The following ZFAND3 variants were observed in gnomAD, a reference collection of about 807,000 sequenced individuals.
ZFAND3 encodes the protein zinc finger AN1-type containing 3.
Under a neutral mutation model 29.6 loss-of-function variants are expected in ZFAND3, and 10 were observed. That is an observed-to-expected ratio of 0.34 (90% CI 0.21 to 0.57). The LOEUF is 0.57. Ranked by LOEUF, ZFAND3 falls within the 20% of genes least tolerant of loss-of-function variation. ZFAND3 has a pLI of 0.86. For missense variants in ZFAND3, 230 were observed against 304.5 expected (o/e 0.76, Z 1.82); for synonymous variants, 128 against 112.6 (o/e 1.14, Z -0.87).
intron 1 of ZFAND3, among the ~76,000 whole-genome samples, chr6:37,915,921 C>T (rs959437151): frequency 5.3e-5 from 8 of 152,050 alleles, no homozygotes; most frequent in South Asian, 2.1e-4. Flanking sequence ...AGGCATGTGC[C>T]ACCACGCCCA....
At position 38,007,400 on chromosome 6, in the gene ZFAND3, G is replaced by T. The variant is rs191102170; in HGVS notation, c.113-54193G>T. Among the ~76,000 whole-genome samples, 16 of 152,150 alleles carry T rather than the reference G, an allele frequency of 1.1e-4. No individual in the cohort carries two copies. The East Asian group carries it at 3.1e-3, about 29-fold the overall frequency. On this transcript the variant is annotated intron_variant, in intron 2 of 5. Coordinates refer to ENST00000287218, the MANE Select transcript of ZFAND3 (RefSeq NM_021943.3). ...ATCTCTACAAAAAATACAAAAATTT[G>T]TCCGGCATGATGGTATATTCCTGTA...
chr6:37,829,053 A>G (rs1055724668), intron 1 of ZFAND3, among the ~76,000 whole-genome samples: 2 of 152,090 alleles, frequency 1.3e-5, no homozygotes, highest in Admixed American at 6.6e-5. Flanking sequence ...GTACATACAA[A>G]ATTTTTACAT....
At chr6:38,019,688 A>G (rs1453212621) in intron 2 of ZFAND3, among the ~76,000 whole-genome samples, 1 of 152,104 alleles carries the variant, frequency 6.6e-6, no homozygotes, top group African/African-American at 2.4e-5. Flanking sequence ...GTTTTTGATG[A>G]AAGACATCTT....
intron 1 of ZFAND3, among the ~76,000 whole-genome samples, chr6:37,898,573 G>A (rs574924409): frequency 2.4e-4 from 37 of 152,156 alleles, no homozygotes; most frequent in African/African-American, 8.7e-4. Context: ...AAATTCTATT[G>A]AATCTAAGCA....
At chr6:37,879,745 T>C (rs1764857045) in intron 1 of ZFAND3, among the ~76,000 whole-genome samples, 1 of 152,208 alleles carries the variant, frequency 6.6e-6, no homozygotes, top group Admixed American at 6.5e-5. Context: ...TATAGAACTT[T>C]CAGAATGTGA....
At chr6:37,975,050 T>C (rs1259326646) in intron 2 of ZFAND3, among the ~76,000 whole-genome samples, 1 of 152,238 alleles carries the variant, frequency 6.6e-6, no homozygotes, top group African/African-American at 2.4e-5. Context: ...TTTTAACTTT[T>C]TAAGAAACTG....
chr6:37,888,232 GT>G (rs944770646), intron 1 of ZFAND3, among the ~76,000 whole-genome samples: 3 of 152,090 alleles, frequency 2.0e-5, no homozygotes, highest in African/African-American at 7.2e-5. Context: ...TAATGTATGA[GT>G]AAAAAGTTTC....
chr6:37,945,784 G>C (rs760955111), intron 2 of ZFAND3, among the ~76,000 whole-genome samples: 1 of 152,122 alleles, frequency 6.6e-6, no homozygotes, highest in Non-Finnish European at 1.5e-5. Flanking sequence ...GTTTTATATA[G>C]TTGTCATATA....
At position 38,049,950 on chromosome 6, in the gene ZFAND3, T is replaced by TATTTTATTTTTTA. The variant is rs775149707; in HGVS notation, c.113-11643_113-11642insATTTTATTTTTTA. 2.3e-3 allele frequency among the ~76,000 whole-genome samples: 58 copies of TATTTTATTTTTTA among 25,498 alleles called. 1 individual carries two copies. The highest frequency in any genetic ancestry group is 6.2e-3 in the African/African-American group (57 of 9,166). The allele number at this position is 25,498 out of a possible 152,430, so 16.7% of individuals were successfully genotyped here. A position where few individuals can be genotyped will look rare whatever the true frequency, so the allele number is the denominator to read the frequency against. On this transcript the variant is annotated intron_variant, in intron 2 of 5. Coordinates refer to ENST00000287218, the MANE Select transcript of ZFAND3 (RefSeq NM_021943.3). ...CACTTTTGAGTAGGCAATTAATTTT[T>TATTTTATTTTTTA]TTTTTTTTTTTTTTTTTTGGGGGAG...
chr6:37,934,838 CAAAAAAAAAAAAAAAAAA>C (rs61670894), intron 2 of ZFAND3, among the ~76,000 whole-genome samples: 24 of 70,606 alleles, frequency 3.4e-4, no homozygotes, highest in African/African-American at 1.2e-3. Context: ...GACTCTGTCT[CAAAAAAAAAAAAAAAAAA>C]AAAAAAAAGC....
intron 1 of ZFAND3, among the ~76,000 whole-genome samples, chr6:37,829,372 C>G (rs945750113): frequency 6.6e-6 from 1 of 152,082 alleles, no homozygotes; most frequent in Non-Finnish European, 1.5e-5. Flanking sequence ...CCCATCTCTA[C>G]TGAAAATACA....
chr6:37,904,970 C>A (rs745386776), intron 1 of ZFAND3, among the ~76,000 whole-genome samples: 26 of 152,096 alleles, frequency 1.7e-4, no homozygotes, highest in Admixed American at 5.2e-4. Flanking sequence ...TGTGTATGAG[C>A]AGTTGGAATT....
chr6:37,922,321 A>T (rs1761396708), intron 1 of ZFAND3, among the ~76,000 whole-genome samples: 1 of 152,216 alleles, frequency 6.6e-6, no homozygotes, highest in African/African-American at 2.4e-5. Flanking sequence ...ACAATTATAC[A>T]TCCAACAGTA....
intron 2 of ZFAND3, among the ~76,000 whole-genome samples, chr6:37,962,339 A>T (rs540683725): frequency 6.6e-6 from 1 of 152,248 alleles, no homozygotes; most frequent in Non-Finnish European, 1.5e-5. Flanking sequence ...AAGCATGCCT[A>T]CAGGATCTAG....
At chr6:38,119,088 AC>A in intron 5 of ZFAND3, among the ~76,000 whole-genome samples, 1 of 152,156 alleles carries the variant, frequency 6.6e-6, no homozygotes, top group Non-Finnish European at 1.5e-5. Context: ...ATTCAGTTTG[AC>A]CCACTGAGAG....
intron 2 of ZFAND3, among the ~76,000 whole-genome samples, chr6:38,005,057 T>A (rs1314814688): frequency 1.3e-5 from 2 of 152,216 alleles, no homozygotes; most frequent in Non-Finnish European, 2.9e-5. Context: ...AAGAGATAGA[T>A]CTTCTTCAGT....
At chr6:37,901,170 G>T (rs1478433052) in intron 1 of ZFAND3, among the ~76,000 whole-genome samples, 1 of 152,136 alleles carries the variant, frequency 6.6e-6, no homozygotes, top group Non-Finnish European at 1.5e-5. Flanking sequence ...CTGTGGCCAG[G>T]CCTTCTTACT....
At chr6:37,912,417 A>G (rs150637860) in intron 1 of ZFAND3, among the ~76,000 whole-genome samples, 1 of 152,210 alleles carries the variant, frequency 6.6e-6, no homozygotes, top group African/African-American at 2.4e-5. Context: ...TATGGCATTT[A>G]GCTGGATCAG....
chr6:38,149,453 T>C (rs1240355311), intron 5 of ZFAND3, among the ~76,000 whole-genome samples: 1 of 148,660 alleles, frequency 6.7e-6, no homozygotes, highest in Non-Finnish European at 1.5e-5. Context: ...TCAAGATGTG[T>C]CTAACAGGTA....
Sources: allele counts gnomAD v4.1 joint callset (sites outside exome capture counted in the v4.1 genomes callset), GRCh38; gene constraint gnomAD v4.1.1; transcripts MANE v1.5; gene names NCBI Gene and HGNC (gene_info 2026-07-23, HGNC 2026-07-21).